The following STPG2 variants were observed in gnomAD, a reference collection of about 807,000 sequenced individuals.
STPG2 encodes the protein sperm tail PG-rich repeat containing 2.
In STPG2, 56 loss-of-function variants were observed where a neutral mutation model predicts 54.2. That is an observed-to-expected ratio of 1.03 (90% CI 0.83 to 1.29). STPG2 has a LOEUF of 1.29. Among genes scored for constraint, STPG2 ranks in the 50% most tolerant of loss-of-function variants. STPG2 has a pLI of 0.00. For missense variants in STPG2, 596 were observed against 544.9 expected (o/e 1.09, Z -0.93); for synonymous variants, 200 against 181.8 (o/e 1.10, Z -0.81).
chr4:97,827,662 T>C (rs150787401), intron 9 of STPG2, among the ~76,000 whole-genome samples: 77 of 152,328 alleles, frequency 5.1e-4, no homozygotes, highest in African/African-American at 1.8e-3. Flanking sequence ...TATGGCAATA[T>C]AGTTATTGCA....
intron 8 of STPG2, among the ~76,000 whole-genome samples, chr4:97,887,184 AC>A (rs1329290910): frequency 2.0e-5 from 3 of 152,212 alleles, no homozygotes. Context: ...ATATAAAGAT[AC>A]CTGAAAATGT....
intron 9 of STPG2, among the ~76,000 whole-genome samples, chr4:97,791,424 T>G (rs909029852): frequency 6.6e-5 from 10 of 152,154 alleles, no homozygotes; most frequent in Non-Finnish European, 1.3e-4. Context: ...ATGACACTGA[T>G]GTTACAATTT....
intron 5 of STPG2, among the ~76,000 whole-genome samples, chr4:98,034,681 C>T (rs1160949039): frequency 2.0e-5 from 3 of 152,170 alleles, no homozygotes; most frequent in South Asian, 4.1e-4. Context: ...AGGCATCACG[C>T]TACCTGACTT....
chr4:97,937,001 T>A (rs1445434437), intron 8 of STPG2, among the ~76,000 whole-genome samples: 4 of 152,170 alleles, frequency 2.6e-5, no homozygotes, highest in Non-Finnish European at 4.4e-5. Context: ...TCCCTTTCTC[T>A]TTCAAGTACT....
intron 10 of STPG2, among the ~76,000 whole-genome samples, chr4:97,599,047 T>C (rs1343902535): frequency 6.6e-6 from 1 of 151,992 alleles, no homozygotes; most frequent in Non-Finnish European, 1.5e-5. Context: ...CATCTATAAG[T>C]AACTTAAACA....
intron 10 of STPG2, among the ~76,000 whole-genome samples, chr4:97,635,764 A>C (rs886414865): frequency 3.9e-4 from 59 of 152,168 alleles, no homozygotes; most frequent in Non-Finnish European, 8.8e-5. Flanking sequence ...ATAATGGTAA[A>C]GGGATCAATT....
chr4:97,566,689 A>G (rs1279981885), intron 10 of STPG2, among the ~76,000 whole-genome samples: 5 of 152,136 alleles, frequency 3.3e-5, no homozygotes, highest in Non-Finnish European at 7.4e-5. Flanking sequence ...ACACCATGGA[A>G]TACTATGCAG....
intron 9 of STPG2, among the ~76,000 whole-genome samples, chr4:97,745,188 C>T (rs1421771438): frequency 2.7e-5 from 4 of 149,216 alleles, no homozygotes; most frequent in Non-Finnish European, 6.0e-5. Flanking sequence ...GCTAGAACTA[C>T]TTTCAGTCAA....
chr4:97,991,178 T>G (rs2149269280), intron 5 of STPG2, among the ~76,000 whole-genome samples: 1 of 152,132 alleles, frequency 6.6e-6, no homozygotes, highest in African/African-American at 2.4e-5. Context: ...CCTGGGTTAC[T>G]TCACTTAGAT....
chr4:97,681,538 T>C (rs186821027), intron 10 of STPG2, among the ~76,000 whole-genome samples: 1 of 151,890 alleles, frequency 6.6e-6, no homozygotes, highest in Non-Finnish European at 1.5e-5. Flanking sequence ...ATTTAATTTT[T>C]TAATTCTCCA....
At chr4:97,486,070 G>T (rs1411175039) in intron 4 of STPG2, among the ~76,000 whole-genome samples, 7 of 151,672 alleles carry the variant, frequency 4.6e-5, no homozygotes, top group Non-Finnish European at 8.9e-5. Context: ...TTAAATTTAA[G>T]ACCTGAAACA....
intron 9 of STPG2, among the ~76,000 whole-genome samples, chr4:97,810,722 T>C (rs907785360): frequency 7.9e-5 from 12 of 152,106 alleles, no homozygotes; most frequent in African/African-American, 2.9e-4. Context: ...CATCTCATAA[T>C]GACAATATAC....
At chr4:97,678,019 GA>G (rs911070093) in intron 10 of STPG2, among the ~76,000 whole-genome samples, 1 of 151,578 alleles carries the variant, frequency 6.6e-6, no homozygotes, top group Non-Finnish European at 1.5e-5. Flanking sequence ...GTTCTTTGGG[GA>G]AAAAAGCCAT....
At chr4:97,991,089 C>T (rs543307448) in intron 5 of STPG2, among the ~76,000 whole-genome samples, 20 of 151,988 alleles carry the variant, frequency 1.3e-4, no homozygotes, top group Admixed American at 2.0e-4. Context: ...CTCGAGTCCC[C>T]GAAGCCCATT....
At chr4:97,849,390 C>A (rs1729076754) in intron 8 of STPG2, among the ~76,000 whole-genome samples, 2 of 152,016 alleles carry the variant, frequency 1.3e-5, no homozygotes, top group African/African-American at 4.8e-5. Flanking sequence ...ACACCAAAAG[C>A]AATGGCAACA....
rs149960884 is a variant in STPG2, at chr4:97,632,370, C to T, written c.1321-73253G>A. Among the ~76,000 whole-genome samples the T allele has an allele frequency of 5.3e-5, 8 of 150,882 alleles. No homozygotes were observed. The East Asian group carries it at 7.8e-4, about 15-fold the overall frequency. Reference sequence around the variant, plus strand: ...GCTATGTTTTACAAGGAAAAACTATCAAGCTGCAATAAAGACTAAATGTCT... The same window carrying T: ...GCTATGTTTTACAAGGAAAAACTATTAAGCTGCAATAAAGACTAAATGTCT... On this transcript the variant is annotated intron_variant, in intron 10 of 10. Coordinates refer to ENST00000295268, the MANE Select transcript of STPG2 (RefSeq NM_174952.3).
intron 8 of STPG2, among the ~76,000 whole-genome samples, chr4:97,870,897 A>T (rs946208107): frequency 6.6e-6 from 1 of 151,246 alleles, no homozygotes; most frequent in Non-Finnish European, 1.5e-5. Context: ...ACCCCCAAAA[A>T]ATCATACATT....
intron 4 of STPG2, among the ~76,000 whole-genome samples, chr4:97,502,797 A>G (rs1282840626): frequency 6.6e-6 from 1 of 152,010 alleles, no homozygotes; most frequent in Non-Finnish European, 1.5e-5. Context: ...AATTTATAGA[A>G]CAGGGAATAA....
chr4:97,514,795 C>T (rs984104211), intron 4 of STPG2, among the ~76,000 whole-genome samples: 6 of 151,950 alleles, frequency 3.9e-5, no homozygotes, highest in African/African-American at 1.4e-4. Context: ...CTCATATACA[C>T]AGTCAAGTCT....
Sources: allele counts gnomAD v4.1 joint callset (sites outside exome capture counted in the v4.1 genomes callset), GRCh38; gene constraint gnomAD v4.1.1; transcripts MANE v1.5; gene names NCBI Gene and HGNC (gene_info 2026-07-23, HGNC 2026-07-21).